The following TMEM132D variants were observed in gnomAD, a reference collection of about 807,000 sequenced individuals.
TMEM132D encodes the protein transmembrane protein 132D.
A neutral mutation model predicts 62.3 loss-of-function variants in TMEM132D; 21 were observed. That is an observed-to-expected ratio of 0.34 (90% CI 0.24 to 0.49). The LOEUF (loss-of-function observed/expected upper bound fraction) is 0.49, where lower values mean the gene tolerates loss of function less well. Among genes scored for constraint, TMEM132D ranks in the 20% least tolerant of loss-of-function variants. The pLI, the probability that TMEM132D is intolerant of heterozygous loss-of-function variation, is 0.99. For missense variants in TMEM132D, 1,346 were observed against 1,402.8 expected (o/e 0.96, Z 0.65); for synonymous variants, 621 against 575.6 (o/e 1.08, Z -1.13).
At chr12:129,560,397 G>C (rs758846099) in intron 2 of TMEM132D, among the ~76,000 whole-genome samples, 5 of 151,502 alleles carry the variant, frequency 3.3e-5, no homozygotes, top group Non-Finnish European at 7.4e-5. Context: ...CTCCCGAGTA[G>C]CTGGGATCAC....
chr12:129,760,620 T>G (rs1870339147), intron 1 of TMEM132D, among the ~76,000 whole-genome samples: 1 of 151,002 alleles, frequency 6.6e-6, no homozygotes, highest in Non-Finnish European at 1.5e-5. Context: ...GTACTGGGAT[T>G]ACAGGCATGA....
At chr12:129,108,001 G>A (rs56807294) in intron 5 of TMEM132D, among the ~76,000 whole-genome samples, 30,621 of 151,958 alleles carry the variant, frequency 0.2, 3,196 homozygotes, top group Non-Finnish European at 0.22. Context: ...CCAGAACACA[G>A]GACAATTCTT....
At chr12:129,527,305 T>G (rs1055738816) in intron 3 of TMEM132D, among the ~76,000 whole-genome samples, 4 of 152,124 alleles carry the variant, frequency 2.6e-5, no homozygotes, top group African/African-American at 9.7e-5. Context: ...TGAGACCTTG[T>G]CTCAGGAAAC....
intron 5 of TMEM132D, among the ~76,000 whole-genome samples, chr12:129,202,315 A>G (rs1023337698): frequency 1.3e-5 from 2 of 152,236 alleles, no homozygotes; most frequent in African/African-American, 4.8e-5. Flanking sequence ...AACAGCCTCC[A>G]AATGACACCA....
chr12:129,548,420 G>A (rs1484435618), intron 2 of TMEM132D, among the ~76,000 whole-genome samples: 2 of 152,148 alleles, frequency 1.3e-5, no homozygotes, highest in African/African-American at 4.8e-5. Flanking sequence ...TAATCTGCTA[G>A]GTCTCCCTTA....
intron 2 of TMEM132D, among the ~76,000 whole-genome samples, chr12:129,626,903 T>C (rs191993528): frequency 6.6e-6 from 1 of 152,308 alleles, no homozygotes; most frequent in Admixed American, 6.5e-5. Context: ...CATCGACTTG[T>C]AAGGTCAGCC....
intron 2 of TMEM132D, among the ~76,000 whole-genome samples, chr12:129,609,155 G>A (rs1409243099): frequency 6.6e-6 from 1 of 151,952 alleles, no homozygotes; most frequent in Non-Finnish European, 1.5e-5. Flanking sequence ...ATCTTGGTCA[G>A]GCTGGTCTCG....
At chr12:129,088,487 GT>G (rs1874749527) in intron 5 of TMEM132D, among the ~76,000 whole-genome samples, 1 of 44,412 alleles carries the variant, frequency 2.3e-5, no homozygotes, top group Non-Finnish European at 3.8e-5. Flanking sequence ...CCATGACCGG[GT>G]GTCCTCCATG....
chr12:129,433,840 T>C (rs1481894982), intron 3 of TMEM132D, among the ~76,000 whole-genome samples: 1 of 152,292 alleles, frequency 6.6e-6, no homozygotes, highest in Non-Finnish European at 1.5e-5. Flanking sequence ...CAGCTGCTCA[T>C]GGCAGGAGTG....
At chr12:129,686,040 T>G (rs1565948737) in intron 2 of TMEM132D, among the ~76,000 whole-genome samples, 1 of 152,204 alleles carries the variant, frequency 6.6e-6, no homozygotes, top group Non-Finnish European at 1.5e-5. Flanking sequence ...TACAGGCTCC[T>G]AAGCAGAAAG....
intron 1 of TMEM132D, among the ~76,000 whole-genome samples, chr12:129,898,665 C>G (rs188183158): frequency 6.6e-6 from 1 of 152,222 alleles, no homozygotes; most frequent in South Asian, 2.1e-4. Flanking sequence ...CTCGCCCCAT[C>G]CTCCAGAGCA....
chr12:129,543,593 T>C (rs1876652247), intron 2 of TMEM132D, among the ~76,000 whole-genome samples: 1 of 152,190 alleles, frequency 6.6e-6, no homozygotes, highest in South Asian at 2.1e-4. Context: ...CAAAATCATC[T>C]ATAGTGTTGA....
At chr12:129,444,805 G>A (rs1042622695) in intron 3 of TMEM132D, among the ~76,000 whole-genome samples, 2 of 152,150 alleles carry the variant, frequency 1.3e-5, no homozygotes, top group African/African-American at 4.8e-5. Flanking sequence ...AGTCAGAATG[G>A]CTACTATCAA....
intron 3 of TMEM132D, among the ~76,000 whole-genome samples, chr12:129,524,613 ATTGATGGCTAAGCT>A (rs1875956517): frequency 2.6e-5 from 4 of 152,158 alleles, no homozygotes; most frequent in Non-Finnish European, 4.4e-5. Context: ...ATCTCTCCAG[ATTGATGGCTAAGCT>A]TTTATCTAGA....
intron 4 of TMEM132D, among the ~76,000 whole-genome samples, chr12:129,262,062 T>C (rs1442692287): frequency 6.6e-6 from 1 of 152,036 alleles, no homozygotes; most frequent in East Asian, 1.9e-4. Context: ...ATGGGTCTTT[T>C]TTCTGGAAAC....
chr12:129,531,523 C>A (rs1184919304), intron 2 of TMEM132D, among the ~76,000 whole-genome samples: 1 of 152,164 alleles, frequency 6.6e-6, no homozygotes, highest in Non-Finnish European at 1.5e-5. Context: ...ACAGAACTAC[C>A]TGAAAACCCT....
chr12:129,510,408 G>A (rs577155189), intron 3 of TMEM132D, among the ~76,000 whole-genome samples: 3 of 152,152 alleles, frequency 2.0e-5, no homozygotes, highest in African/African-American at 7.2e-5. Flanking sequence ...CTCCCATTCT[G>A]TGCATTGTCT....
chr12:129,558,977 C>A (rs1470404257), intron 2 of TMEM132D, among the ~76,000 whole-genome samples: 1 of 152,214 alleles, frequency 6.6e-6, no homozygotes, highest in Non-Finnish European at 1.5e-5. Flanking sequence ...TGAACACATT[C>A]TCCTCCTACT....
intron 5 of TMEM132D, among the ~76,000 whole-genome samples, chr12:129,156,388 T>G (rs1014114997): frequency 1.3e-5 from 2 of 150,668 alleles, no homozygotes; most frequent in Non-Finnish European, 3.0e-5. Flanking sequence ...ATAATAAACC[T>G]ACTCCCAAGA....
Sources: gnomAD v4.1 joint callset for allele counts (sites outside exome capture counted in the v4.1 genomes callset) on GRCh38, gnomAD v4.1.1 for gene constraint, MANE v1.5 for transcripts, NCBI Gene and HGNC (gene_info 2026-07-23, HGNC 2026-07-21) for gene names.